Variants in NAV2 observed in about 807,000 individuals in gnomAD.
The protein encoded by NAV2 is helicase, APC down-regulated 1.
Under a neutral mutation model 223.2 loss-of-function variants are expected in NAV2, and 54 were observed. That is an observed-to-expected ratio of 0.24 (90% CI 0.19 to 0.30). NAV2 has a LOEUF of 0.30. Among genes scored for constraint, NAV2 ranks in the 10% least tolerant of loss-of-function variants. The probability of loss-of-function intolerance (pLI) is 1.00; values close to 1 mark genes in which losing one functional copy is unlikely to be tolerated. For synonymous variants in NAV2, 1,279 were observed against 1,239.3 expected (o/e 1.03, Z -0.67); for missense variants, 2,806 against 3,147.5 (o/e 0.89, Z 2.60).
intron 1 of NAV2, among the ~76,000 whole-genome samples, chr11:19,697,572 T>C (rs2049383544): frequency 6.6e-6 from 1 of 151,658 alleles, no homozygotes; most frequent in South Asian, 2.1e-4. Context: ...TGTCTGGAGA[T>C]GGCTGGTGCA....
intron 6 of NAV2, among the ~76,000 whole-genome samples, chr11:19,902,649 A>G (rs970197344): frequency 2.0e-5 from 3 of 152,234 alleles, no homozygotes; most frequent in African/African-American, 7.2e-5. Flanking sequence ...CGTGGAAACT[A>G]TCACACATAC....
intron 6 of NAV2, among the ~76,000 whole-genome samples, chr11:19,904,440 T>G (rs1228911861): frequency 6.6e-6 from 1 of 152,136 alleles, no homozygotes. Flanking sequence ...ATGAATGAAC[T>G]TAATTCTCTG....
intron 1 of NAV2, among the ~76,000 whole-genome samples, chr11:19,754,093 T>C (rs892333644): frequency 1.5e-4 from 23 of 152,306 alleles, no homozygotes; most frequent in Admixed American, 7.8e-4. Flanking sequence ...GCTAGAGATA[T>C]CGCCTTTCCC....
Position 20,118,457 on chromosome 11 carries a change from C to G in NAV2, c.*199C>G, listed in dbSNP as rs768294237. On this transcript the variant is annotated 3_prime_UTR_variant, in exon 38 of 38. Coordinates refer to ENST00000349880, the MANE Select transcript of NAV2 (RefSeq NM_145117.5). ...GCTGCCTGCGGACCGCTTCCTTCCA[C>G]AGCGAGAACTGCACTACCTTCTGTT... 36 of 617,798 alleles carry G rather than the reference C, an allele frequency of 5.8e-5. No individual in the cohort carries two copies. Among genetic ancestry groups the G allele is most frequent in the Admixed American group, 1.1e-4 (4 of 37,168 alleles). 38.3% of individuals were successfully genotyped at this position (617,798 alleles called of 1,614,324 possible).
chr11:19,805,961 T>C (rs973585583), intron 1 of NAV2, among the ~76,000 whole-genome samples: 1 of 152,226 alleles, frequency 6.6e-6, no homozygotes, highest in African/African-American at 2.4e-5. Context: ...CATGAAACCA[T>C]GCGTGTCTGA....
At chr11:19,944,116 G>A (rs936788861) in intron 8 of NAV2, among the ~76,000 whole-genome samples, 4 of 152,170 alleles carry the variant, frequency 2.6e-5, no homozygotes, top group Non-Finnish European at 5.9e-5. Flanking sequence ...CAGAAGAATC[G>A]CTTCAACTGA....
chr11:19,973,007 C>T, intron 10 of NAV2, among the ~76,000 whole-genome samples: 1 of 152,192 alleles, frequency 6.6e-6, no homozygotes, highest in East Asian at 1.9e-4. Context: ...AATGATGTTC[C>T]CAAGGTCTGC....
intron 1 of NAV2, among the ~76,000 whole-genome samples, chr11:19,805,980 C>G (rs2058538123): frequency 1.3e-5 from 2 of 152,182 alleles, no homozygotes; most frequent in Non-Finnish European, 2.9e-5. Context: ...GATTTCTGAA[C>G]CTGGAATTTC....
At chr11:19,516,465 T>C (rs530051102) in intron 1 of NAV2, among the ~76,000 whole-genome samples, 3 of 152,354 alleles carry the variant, frequency 2.0e-5, no homozygotes, top group Non-Finnish European at 4.4e-5. Flanking sequence ...AAGGCTGATT[T>C]ATTTACAACC....
chr11:19,535,249 C>A (rs1028277335), intron 1 of NAV2, among the ~76,000 whole-genome samples: 8 of 152,074 alleles, frequency 5.3e-5, no homozygotes, highest in African/African-American at 1.9e-4. Flanking sequence ...GGGTTTGAAT[C>A]CTGGGACTTG....
chr11:19,594,853 G>A (rs551324837), intron 1 of NAV2, among the ~76,000 whole-genome samples: 6 of 152,252 alleles, frequency 3.9e-5, no homozygotes, highest in South Asian at 4.2e-4. Flanking sequence ...TTGGTGTGAG[G>A]ATTAAATGAG....
chr11:19,772,300 G>T (rs906037667), intron 1 of NAV2, among the ~76,000 whole-genome samples: 1 of 152,198 alleles, frequency 6.6e-6, no homozygotes, highest in African/African-American at 2.4e-5. Flanking sequence ...TGACAGTAAT[G>T]CAGACAACTG....
At chr11:19,569,144 T>C (rs1289560137) in intron 1 of NAV2, among the ~76,000 whole-genome samples, 2 of 152,234 alleles carry the variant, frequency 1.3e-5, no homozygotes, top group Admixed American at 6.5e-5. Context: ...TTTATAGTCA[T>C]GGAAAAAAGT....
In NAV2 at chr11:19,358,843, C is replaced by A. The variant is rs143707278; in HGVS notation, c.75+7816C>A. Among the ~76,000 whole-genome samples, 396 of 152,202 alleles carry A rather than the reference C, an allele frequency of 2.6e-3. 4 individuals are homozygous for A. The highest frequency in any genetic ancestry group is 0.014 in the Middle Eastern group (4 of 294). ...ATTTAAAAATGCAATAAGTAAAAAT[C>A]CTTAATGATGTGAGAAAATCATCAT... On this transcript the variant is annotated intron_variant, in intron 1 of 37. Transcript: ENST00000360655.
chr11:19,999,557 G>A (rs1241015068), intron 11 of NAV2, among the ~76,000 whole-genome samples: 1 of 152,220 alleles, frequency 6.6e-6, no homozygotes, highest in East Asian at 1.9e-4. Context: ...TTTTAGTAGA[G>A]ATGGGGTTTC....
chr11:19,993,477 C>A (rs2051544221), intron 11 of NAV2, among the ~76,000 whole-genome samples: 1 of 152,220 alleles, frequency 6.6e-6, no homozygotes, highest in African/African-American at 2.4e-5. Context: ...TACAGTTATA[C>A]CATATGCCTG....
At chr11:19,476,244 A>G (rs2042111464) in intron 1 of NAV2, among the ~76,000 whole-genome samples, 1 of 152,186 alleles carries the variant, frequency 6.6e-6, no homozygotes, top group South Asian at 2.1e-4. Flanking sequence ...AAGTGCTGGG[A>G]TTACAGGCGT....
At chr11:19,780,878 T>C (rs1433784604) in intron 1 of NAV2, among the ~76,000 whole-genome samples, 1 of 152,110 alleles carries the variant, frequency 6.6e-6, no homozygotes, top group Non-Finnish European at 1.5e-5. Context: ...ACCAGGACTG[T>C]TTTTTGTTTG....
intron 6 of NAV2, among the ~76,000 whole-genome samples, chr11:19,896,790 T>C (rs1190833364): frequency 6.6e-6 from 1 of 152,246 alleles, no homozygotes; most frequent in African/African-American, 2.4e-5. Flanking sequence ...AGAGGGACTG[T>C]AAACTAGTTC....
Sources: allele counts gnomAD v4.1 joint callset (sites outside exome capture counted in the v4.1 genomes callset), GRCh38; gene constraint gnomAD v4.1.1; transcripts MANE v1.5; gene names NCBI Gene and HGNC (gene_info 2026-07-23, HGNC 2026-07-21).